The following DLGAP1 variants were observed in gnomAD, a reference collection of about 807,000 sequenced individuals.
DLGAP1 encodes DLG associated protein 1.
In DLGAP1, 11 loss-of-function variants were observed where a neutral mutation model predicts 90.8. That is an observed-to-expected ratio of 0.12 (90% CI 0.08 to 0.20). DLGAP1 has a LOEUF of 0.20. Among genes scored for constraint, DLGAP1 ranks in the 10% least tolerant of loss-of-function variants. The probability of loss-of-function intolerance (pLI) is 1.00; values close to 1 mark genes in which losing one functional copy is unlikely to be tolerated. For missense variants in DLGAP1, 1,050 were observed against 1,333.8 expected (o/e 0.79, Z 3.31); for synonymous variants, 558 against 540.7 (o/e 1.03, Z -0.44).
intron 1 of DLGAP1, among the ~76,000 whole-genome samples, chr18:4,306,946 C>T (rs1169039425): frequency 1.3e-5 from 2 of 151,976 alleles, no homozygotes; most frequent in East Asian, 3.9e-4. Context: ...TTTTGTTTGT[C>T]CTTCTCAATA....
At chr18:3,903,086 T>C (rs768405338) in intron 3 of DLGAP1, among the ~76,000 whole-genome samples, 5 of 152,212 alleles carry the variant, frequency 3.3e-5, no homozygotes, top group Non-Finnish European at 4.4e-5. Flanking sequence ...CTCTTTTCAA[T>C]TGCACGCTCT....
At chr18:4,139,094 AT>A (rs1448357810) in intron 2 of DLGAP1, among the ~76,000 whole-genome samples, 9 of 151,394 alleles carry the variant, frequency 5.9e-5, no homozygotes, top group Admixed American at 1.3e-4. Context: ...CTTTCCTTTC[AT>A]TGGTATTTTG....
intron 4 of DLGAP1, among the ~76,000 whole-genome samples, chr18:3,872,993 A>T (rs1388245685): frequency 6.6e-6 from 1 of 152,222 alleles, no homozygotes; most frequent in Non-Finnish European, 1.5e-5. Context: ...CTAACCAAGC[A>T]CTTTGGTGTT....
At chr18:4,307,666 C>T (rs1337238559) in intron 1 of DLGAP1, among the ~76,000 whole-genome samples, 4 of 151,672 alleles carry the variant, frequency 2.6e-5, no homozygotes, top group South Asian at 4.2e-4. Flanking sequence ...TGCACTCTGC[C>T]CCGCCAGCAC....
chr18:4,379,675 G>A (rs1567874335), intron 1 of DLGAP1, among the ~76,000 whole-genome samples: 1 of 152,054 alleles, frequency 6.6e-6, no homozygotes, highest in Non-Finnish European at 1.5e-5. Context: ...CCCTCCTTAG[G>A]GCAGAGGTAA....
At chr18:4,236,948 C>G (rs914513609) in intron 1 of DLGAP1, among the ~76,000 whole-genome samples, 7 of 152,164 alleles carry the variant, frequency 4.6e-5, no homozygotes, top group African/African-American at 1.7e-4. Flanking sequence ...TTCTCCTACC[C>G]TTGAAAACTA....
intron 1 of DLGAP1, among the ~76,000 whole-genome samples, chr18:4,182,322 C>T (rs1008141752): frequency 4.6e-5 from 7 of 152,132 alleles, no homozygotes; most frequent in Admixed American, 1.3e-4. Context: ...TATTTCACCT[C>T]CCCTCTCTGA....
At chr18:3,532,578 C>CA (rs376318276) in intron 10 of DLGAP1, among the ~76,000 whole-genome samples, 3,644 of 86,220 alleles carry the variant, frequency 0.042, 55 homozygotes, top group Admixed American at 0.06. Flanking sequence ...AACTCCATCT[C>CA]AAAAAAAAAA....
intron 1 of DLGAP1, among the ~76,000 whole-genome samples, chr18:4,167,277 T>C (rs2076948637): frequency 6.6e-6 from 1 of 152,188 alleles, no homozygotes; most frequent in African/African-American, 2.4e-5. Flanking sequence ...GGCCCTACTA[T>C]ATGCTGTTTG....
chr18:3,833,174 C>A (rs1346934423), intron 4 of DLGAP1, among the ~76,000 whole-genome samples: 2,427 of 7,870 alleles, frequency 0.31, 289 homozygotes, highest in African/African-American at 0.41. Context: ...TCCTTCCTTC[C>A]TTCCTTCCTT....
At chr18:4,375,461 T>C (rs1409829695) in intron 1 of DLGAP1, among the ~76,000 whole-genome samples, 1 of 152,138 alleles carries the variant, frequency 6.6e-6, no homozygotes, top group African/African-American at 2.4e-5. Flanking sequence ...GCCACAACAA[T>C]ATATAGCTCC....
chr18:4,339,294 G>A (rs564482875), intron 1 of DLGAP1, among the ~76,000 whole-genome samples: 1 of 152,268 alleles, frequency 6.6e-6, no homozygotes, highest in South Asian at 2.1e-4. Flanking sequence ...GACACAGACA[G>A]GGGAATAACA....
At chr18:3,769,305 AAAATGGTAC>A (rs2064404358) in intron 5 of DLGAP1, among the ~76,000 whole-genome samples, 1 of 152,214 alleles carries the variant, frequency 6.6e-6, no homozygotes. Context: ...GTAGGAATGT[AAAATGGTAC>A]AACCACTCTG....
chr18:4,125,088 G>C (rs2076212215), intron 2 of DLGAP1, among the ~76,000 whole-genome samples: 1 of 152,196 alleles, frequency 6.6e-6, no homozygotes, highest in South Asian at 2.1e-4. Context: ...ATAGGAGCAA[G>C]GCAAGGGGTC....
At chr18:4,042,966 T>C (rs1228725708) in intron 2 of DLGAP1, among the ~76,000 whole-genome samples, 1 of 152,222 alleles carries the variant, frequency 6.6e-6, no homozygotes, top group Admixed American at 6.5e-5. Flanking sequence ...CTAAAAGAGA[T>C]TCATTTATAT....
intron 1 of DLGAP1, among the ~76,000 whole-genome samples, chr18:4,208,045 AT>A (rs1258760802): frequency 6.6e-6 from 1 of 152,208 alleles, no homozygotes; most frequent in Non-Finnish European, 1.5e-5. Context: ...TCTGTATAAT[AT>A]TTTTCACTTT....
intron 9 of DLGAP1, among the ~76,000 whole-genome samples, chr18:3,559,654 G>A (rs1250324926): frequency 3.0e-5 from 4 of 131,686 alleles, no homozygotes; most frequent in Non-Finnish European, 4.6e-5. Flanking sequence ...GCGGAGTCTC[G>A]TTCTGTCGCC....
intron 1 of DLGAP1, among the ~76,000 whole-genome samples, chr18:4,448,733 T>C (rs1335718819): frequency 6.6e-6 from 1 of 152,118 alleles, no homozygotes; most frequent in Non-Finnish European, 1.5e-5. Context: ...ATACACTACA[T>C]GTCTGGCCAG....
At chr18:3,705,762 G>A (rs1250400164) in intron 7 of DLGAP1, among the ~76,000 whole-genome samples, 1 of 151,544 alleles carries the variant, frequency 6.6e-6, no homozygotes, top group East Asian at 1.9e-4. Context: ...GGGTTCAAGT[G>A]ATTCTCCTGC....
Sources: gnomAD v4.1 joint callset for allele counts (sites outside exome capture counted in the v4.1 genomes callset) on GRCh38, gnomAD v4.1.1 for gene constraint, MANE v1.5 for transcripts, NCBI Gene and HGNC (gene_info 2026-07-23, HGNC 2026-07-21) for gene names.